The following ZZEF1 variants were observed in gnomAD, a reference collection of about 807,000 sequenced individuals.
ZZEF1 encodes zinc finger ZZ-type and EF-hand domain containing 1, also known as zinc finger ZZ-type and EF-hand domain-containing protein 1.
ZZEF1 carries 157 observed loss-of-function variants against 342.8 expected under a neutral mutation model. The observed-to-expected ratio is 0.46, with a 90% confidence interval of 0.40 to 0.52. The LOEUF (loss-of-function observed/expected upper bound fraction) is 0.52, where lower values mean the gene tolerates loss of function less well. ZZEF1 is among the 20% of genes least tolerant of loss of function. The pLI is 0.00. For synonymous variants in ZZEF1, 1,505 were observed against 1,429.1 expected, an observed-to-expected ratio of 1.05 and a Z score of -1.20; for missense variants, 3,480 against 3,725.6, an observed-to-expected ratio of 0.93 and a Z score of 1.72.
chr17:4,069,746 G>A (rs2057472306), intron 26 of ZZEF1, among the ~76,000 whole-genome samples: 1 of 152,144 alleles, frequency 6.6e-6, no homozygotes, highest in Non-Finnish European at 1.5e-5. Flanking sequence ...AAGGAGAATC[G>A]CTTGAACCCG....
rs1189009349 is a variant in ZZEF1, at chr17:4,035,303, T to C, written c.6307-1011A>G. 3.3e-5 allele frequency among the ~76,000 whole-genome samples: 5 copies of C among 152,146 alleles called. No homozygotes were observed. The South Asian group carries it at 8.3e-4, about 25-fold the overall frequency. ...GTGACTCAAGAGGGCACTATATCCA[T>C]AGTATGAAAACAAAGCAATCAAAGA... On this transcript the variant is annotated intron_variant, in intron 39 of 54. Transcript: ENST00000381638.
chr17:4,096,476 T>C, intron 10 of ZZEF1, 133 bp downstream of exon 10: 1 of 735,124 alleles, frequency 1.4e-6, no homozygotes, highest in Non-Finnish European at 2.3e-6. Context: ...TCATCCTCTG[T>C]ATGATTATTT....
At chr17:4,028,909 A>T (rs1290115890) in intron 42 of ZZEF1, among the ~76,000 whole-genome samples, 2 of 152,238 alleles carry the variant, frequency 1.3e-5, no homozygotes, top group African/African-American at 4.8e-5. Flanking sequence ...TGCTATTTTT[A>T]AAAATGCAAG....
intron 1 of ZZEF1, among the ~76,000 whole-genome samples, chr17:4,134,346 A>ATATATT: frequency 7.1e-6 from 1 of 139,870 alleles, no homozygotes; most frequent in South Asian, 2.2e-4. Context: ...ATATATTTAT[A>ATATATT]TATATTTATA....
rs1420960329 is a variant in ZZEF1 at position 4,044,236 on chromosome 17, TAGGTGGGCTAGCATCTGC to T, written c.6136_6153del (p.Ala2046_Pro2051del). On this transcript the variant is annotated inframe_deletion, in exon 38 of 55. Transcript: ENST00000381638. Reference sequence around the variant, plus strand: ...AAATAGTCTTTACCTGGAAGTCCTGTAGGTGGGCTAGCATCTGCAGGTGAATCTGAAATTTGGGTCTGG... The same window carrying T: ...AAATAGTCTTTACCTGGAAGTCCTGTAGGTGAATCTGAAATTTGGGTCTGG... 1 of 1,613,754 alleles carries T rather than the reference TAGGTGGGCTAGCATCTGC, an allele frequency of 6.2e-7. No homozygotes were observed. Among genetic ancestry groups the T allele is most frequent in the Non-Finnish European group, 8.5e-7 (1 of 1,179,876 alleles).
At position 4,116,885 on chromosome 17, in the gene ZZEF1, C is replaced by A. The variant is rs113385014; in HGVS notation, c.694+87G>T. On this transcript the variant is annotated intron_variant, in intron 3 of 54. Coordinates refer to ENST00000381638, the MANE Select transcript of ZZEF1 (RefSeq NM_015113.4). ...GACTCTGTATTTTCAGAAATGAAGG[C>A]AGGGAAAAGAATTGGCTCATTTTAC... 198 of 1,335,212 alleles carry A rather than the reference C, an allele frequency of 1.5e-4. No homozygotes were observed. The African/African-American group carries it at 2.7e-3, about 18-fold the overall frequency. The allele number at this position is 1,335,212 out of a possible 1,614,324, so 82.7% of individuals were successfully genotyped here. A position where few individuals can be genotyped will look rare whatever the true frequency, so the allele number is the denominator to read the frequency against.
chr17:4,024,181 C>G (rs1196407227), intron 43 of ZZEF1, among the ~76,000 whole-genome samples: 2 of 111,450 alleles, frequency 1.8e-5, no homozygotes, highest in Non-Finnish European at 3.7e-5. Flanking sequence ...CCAAATATTG[C>G]CCAGGTTTTT....
At chr17:4,013,335 A>G (rs1057273217) in intron 52 of ZZEF1, 114 bp downstream of exon 52, 68 of 1,104,600 alleles carry the variant, frequency 6.2e-5, no homozygotes, top group Non-Finnish European at 1.2e-5. Context: ...ACTGGAAGAC[A>G]TTAAAGCCAC....
chr17:4,086,164 A>C (rs1191035740), intron 15 of ZZEF1, among the ~76,000 whole-genome samples: 1 of 152,226 alleles, frequency 6.6e-6, no homozygotes, highest in Non-Finnish European at 1.5e-5. Flanking sequence ...AATGACTCTC[A>C]ACATAACACA....
rs1311752344 is a variant in ZZEF1, at chr17:4,112,072, ATATATATATATATATATATATGTTT to A, written c.1066+512_1066+536del. 1.9e-3 allele frequency among the ~76,000 whole-genome samples: 89 copies of A among 47,020 alleles called. 1 individual carries two copies. The highest frequency in any genetic ancestry group is 2.4e-3 in the Non-Finnish European group (62 of 25,880). 30.8% of individuals were successfully genotyped at this position (47,020 alleles called of 152,430 possible). ...TATATATATATATATATATATATAT[ATATATATATATATATATATATGTTT>A]TGTTTTGTTTTTAATGAAAAAAATG... is the stretch of plus-strand genomic sequence containing the variant. On this transcript the variant is annotated intron_variant, in intron 5 of 54. Transcript: ENST00000381638.
chr17:4,041,714 C>T (rs1412177587), intron 39 of ZZEF1, among the ~76,000 whole-genome samples: 1 of 151,974 alleles, frequency 6.6e-6, no homozygotes, highest in Non-Finnish European at 1.5e-5. Flanking sequence ...AATATATTTA[C>T]AGGAACAGTC....
chr17:4,022,456 A>G, intron 44 of ZZEF1: 2 of 421,472 alleles, frequency 4.7e-6, no homozygotes, highest in South Asian at 7.2e-5. Flanking sequence ...TATAATGGTT[A>G]ATCATGTGTT....
intron 1 of ZZEF1, among the ~76,000 whole-genome samples, chr17:4,126,449 G>T (rs2058574922): frequency 6.6e-6 from 1 of 152,092 alleles, no homozygotes; most frequent in African/African-American, 2.4e-5. Context: ...CACAGACAAA[G>T]AATACAAGAT....
intron 5 of ZZEF1, among the ~76,000 whole-genome samples, chr17:4,112,033 AATAT>A (rs57925351): frequency 8.8e-4 from 48 of 54,356 alleles, no homozygotes; most frequent in Middle Eastern, 0.011. Context: ...ATCCTGTCTA[AATAT>A]ATATATATAT....
At chr17:4,066,124 G>A (rs1433027809) in intron 28 of ZZEF1, among the ~76,000 whole-genome samples, 3 of 152,074 alleles carry the variant, frequency 2.0e-5, no homozygotes, top group Non-Finnish European at 4.4e-5. Context: ...CTATATGACT[G>A]AACCACTGCA....
intron 6 of ZZEF1, among the ~76,000 whole-genome samples, chr17:4,106,692 C>CTT (rs1555607961): frequency 1.4e-4 from 21 of 152,200 alleles, no homozygotes; most frequent in Middle Eastern, 3.4e-3. Flanking sequence ...CCCCCAATAG[C>CTT]TTTACCTACT....
intron 9 of ZZEF1, 24 bp downstream of exon 9, chr17:4,102,293 G>T: frequency 6.2e-7 from 1 of 1,606,884 alleles, no homozygotes; most frequent in Non-Finnish European, 8.5e-7. Flanking sequence ...GAGCACACTA[G>T]AAACAGACAG....
intron 42 of ZZEF1, among the ~76,000 whole-genome samples, chr17:4,031,317 A>AAAATAGATAAAT (rs2056539653): frequency 7.0e-6 from 1 of 143,404 alleles, no homozygotes; most frequent in Non-Finnish European, 1.5e-5. Flanking sequence ...CTTGGTCTCA[A>AAAATAGATAAAT]AAATAAATAA....
intron 42 of ZZEF1, 81 bp downstream of exon 42, chr17:4,032,045 A>C: frequency 6.8e-7 from 1 of 1,461,644 alleles, no homozygotes; most frequent in Non-Finnish European, 9.2e-7. Flanking sequence ...CCAAGAGCCA[A>C]GGTAATTTCA....
Sources: allele counts gnomAD v4.1 joint callset (sites outside exome capture counted in the v4.1 genomes callset), GRCh38; gene constraint gnomAD v4.1.1; transcripts MANE v1.5; gene names NCBI Gene and HGNC (gene_info 2026-07-23, HGNC 2026-07-21).